MCTP1: variants seen among roughly 807,000 people sequenced by gnomAD.
The protein encoded by MCTP1 is multiple C2 and transmembrane domain containing 1.
In MCTP1, 69 loss-of-function variants were observed where a neutral mutation model predicts 120.6. The observed-to-expected ratio is 0.57, with a 90% CI of 0.47 to 0.70. The LOEUF (loss-of-function observed/expected upper bound fraction) is 0.70. Among genes scored for constraint, MCTP1 ranks in the 30% least tolerant of loss-of-function variants. The probability of loss-of-function intolerance (pLI) is 0.00; values close to 1 mark genes in which losing one functional copy is unlikely to be tolerated. For synonymous variants in MCTP1, 529 were observed against 493.1 expected (o/e 1.07, Z -0.96); for missense variants, 1,203 against 1,248.8 (o/e 0.96, Z 0.55).
chr5:94,935,386 T>C (rs879557951), intron 5 of MCTP1, among the ~76,000 whole-genome samples: 1 of 151,606 alleles, frequency 6.6e-6, no homozygotes, highest in Non-Finnish European at 1.5e-5. Flanking sequence ...ATTGTTACTA[T>C]TAACAGTGCA....
chr5:94,939,742 C>T (rs754931962), intron 5 of MCTP1, among the ~76,000 whole-genome samples: 6 of 151,916 alleles, frequency 3.9e-5, no homozygotes, highest in Admixed American at 6.6e-5. Flanking sequence ...GTCTGGATAC[C>T]GTAATGTGGA....
At chr5:94,912,466 A>AAAAG (rs1211529200) in intron 9 of MCTP1, among the ~76,000 whole-genome samples, 3 of 92,038 alleles carry the variant, frequency 3.3e-5, no homozygotes, top group African/African-American at 7.5e-5. Flanking sequence ...AAAAAAAAAA[A>AAAAG]GCCGCACTCT....
intron 18 of MCTP1, among the ~76,000 whole-genome samples, chr5:94,798,065 T>C (rs960637271): frequency 1.3e-5 from 2 of 150,430 alleles, no homozygotes; most frequent in East Asian, 3.9e-4. Context: ...TCTATTATAA[T>C]CTACAGATCA....
Position 95,284,087 on chromosome 5 carries a change from T to C in MCTP1, c.489A>G (p.Ser163=), listed in dbSNP as rs1482382134. 1.3e-6 allele frequency: 2 copies of C among 1,550,382 alleles called. No individual in the cohort carries two copies. The highest frequency in any genetic ancestry group is 1.4e-5 in the African/African-American group (1 of 72,752). Residue 163 remains serine, a synonymous_variant, in exon 1 of 23, where the codon TCA becomes TCG. Transcript: ENST00000515393. This position sits in a 1 kb window ranked among gnomAD's most constrained non-coding sequence, Gnocchi z 5.2. ...GCTGGGGCGAGGAGGACAGGGAGGA[T>C]GAGGCGGAGGAAGAGGAAGGAGCTG... The part of the protein sequence containing the change: ...PDSAPSSSSA[S]SSLSSSPQPP...
Position 94,892,743 on chromosome 5 carries a change from A to T in MCTP1, c.1839+1906T>A, listed in dbSNP as rs1802963579. 3.3e-5 allele frequency among the ~76,000 whole-genome samples: 5 copies of T among 152,332 alleles called. No homozygotes were observed. In the South Asian group the frequency reaches 1.0e-3, roughly 32 times the overall value. ...ATTCCTAAATTTGACCTCAACTTTTAAAAATACACATGTTCTTGCAGGAAA... is the reference window on the plus strand; with the variant it reads ...ATTCCTAAATTTGACCTCAACTTTTTAAAATACACATGTTCTTGCAGGAAA... On this transcript the variant is annotated intron_variant, in intron 11 of 22. Transcript: ENST00000515393.
At chr5:95,103,571 T>G (rs774611274) in intron 1 of MCTP1, among the ~76,000 whole-genome samples, 18 of 152,184 alleles carry the variant, frequency 1.2e-4, no homozygotes, top group Admixed American at 3.3e-4. Context: ...CTACCTCTCA[T>G]TTGGAATTAA....
intron 2 of MCTP1, chr5:94,980,934 TA>T (rs1829261998): frequency 6.6e-6 from 1 of 151,842 alleles, no homozygotes; most frequent in Admixed American, 6.6e-5. Context: ...GTTTTATAAG[TA>T]AAAAAGATAA....
Position 95,082,691 on chromosome 5 carries a change from T to A in MCTP1, c.721-65207A>T, listed in dbSNP as rs1305164943. 2.0e-5 allele frequency among the ~76,000 whole-genome samples: 3 copies of A among 152,214 alleles called. No homozygotes were observed. In the East Asian group the frequency reaches 5.8e-4, roughly 29 times the overall value. ...CAATATGTAATCATAATAAAATTATTAAATATTTTATCATTTTGGTACTAG... is the reference window on the plus strand; with the variant it reads ...CAATATGTAATCATAATAAAATTATAAAATATTTTATCATTTTGGTACTAG... On this transcript the variant is annotated intron_variant, in intron 1 of 22. Coordinates refer to ENST00000515393, the MANE Select transcript of MCTP1 (RefSeq NM_024717.7).
chr5:95,050,403 GA>G (rs1285325122), intron 1 of MCTP1, among the ~76,000 whole-genome samples: 5 of 152,120 alleles, frequency 3.3e-5, no homozygotes, highest in Admixed American at 6.6e-5. Flanking sequence ...CTGACAATCT[GA>G]AAAAAATCTT....
chr5:95,161,988 T>A (rs1211989924), intron 1 of MCTP1, among the ~76,000 whole-genome samples: 2 of 152,170 alleles, frequency 1.3e-5, no homozygotes, highest in Non-Finnish European at 2.9e-5. Context: ...CCTGTCAAAG[T>A]ATCCAGTGGG....
intron 1 of MCTP1, among the ~76,000 whole-genome samples, chr5:95,268,047 C>T (rs1465755726): frequency 6.6e-6 from 1 of 152,252 alleles, no homozygotes; most frequent in African/African-American, 2.4e-5. Flanking sequence ...GATCCTCCCT[C>T]TCTCAAGATT....
chr5:94,758,155 T>C (rs902557518), intron 19 of MCTP1, among the ~76,000 whole-genome samples: 1 of 152,234 alleles, frequency 6.6e-6, no homozygotes, highest in African/African-American at 2.4e-5. Context: ...TGTGTCACTA[T>C]ATGATACACA....
At chr5:94,787,281 A>G (rs1210045412) in intron 18 of MCTP1, among the ~76,000 whole-genome samples, 1 of 152,206 alleles carries the variant, frequency 6.6e-6, no homozygotes, top group Non-Finnish European at 1.5e-5. Context: ...AAATTCAGTT[A>G]CTAAGGTGCT....
At chr5:95,044,807 C>A (rs1424123053) in intron 1 of MCTP1, among the ~76,000 whole-genome samples, 2 of 151,802 alleles carry the variant, frequency 1.3e-5, no homozygotes, top group Admixed American at 1.3e-4. Flanking sequence ...TTTTCCCATA[C>A]CCATCCCCAG....
rs149558846 is a variant in MCTP1, at chr5:94,841,276, G to A, written c.2436+27057C>T. Among the ~76,000 whole-genome samples the A allele has an allele frequency of 1.2e-3, 190 of 152,238 alleles. 1 individual carries two copies. The highest frequency in any genetic ancestry group is 4.4e-3 in the African/African-American group (181 of 41,530). On this transcript the variant is annotated intron_variant, in intron 17 of 22. Transcript: ENST00000515393. The stretch of plus-strand genomic sequence containing the variant: ...AGAAAGTACTTATGTTGACAATCTC[G>A]GATACAAGGATAGCAAAGGTAACTT...
intron 1 of MCTP1, among the ~76,000 whole-genome samples, chr5:95,198,767 G>C (rs1225955521): frequency 6.6e-6 from 1 of 152,146 alleles, no homozygotes; most frequent in Non-Finnish European, 1.5e-5. Context: ...CACAAAATGG[G>C]TGTTTAATAA....
chr5:94,758,076 C>T (rs1042479284), intron 19 of MCTP1, among the ~76,000 whole-genome samples: 5 of 152,058 alleles, frequency 3.3e-5, no homozygotes, highest in African/African-American at 1.2e-4. Context: ...TAAATGGAGG[C>T]AACAGATGTA....
intron 17 of MCTP1, among the ~76,000 whole-genome samples, chr5:94,839,551 T>G (rs1387424418): frequency 1.3e-5 from 2 of 152,134 alleles, no homozygotes; most frequent in African/African-American, 4.8e-5. Context: ...TGGCTCAGAA[T>G]AGAATGTCTA....
chr5:95,014,485 A>G (rs1216154632), intron 2 of MCTP1, among the ~76,000 whole-genome samples: 1 of 152,120 alleles, frequency 6.6e-6, no homozygotes, highest in Non-Finnish European at 1.5e-5. Flanking sequence ...CAATCTCATG[A>G]TAAAATGTGA....
Sources: allele counts gnomAD v4.1 joint callset (sites outside exome capture counted in the v4.1 genomes callset), GRCh38; gene constraint gnomAD v4.1.1; non-coding constraint Gnocchi (gnomAD v3.1); transcripts MANE v1.5; gene names NCBI Gene and HGNC (gene_info 2026-07-23, HGNC 2026-07-21).